TAFA2: variants seen among roughly 807,000 people sequenced by gnomAD.
The protein encoded by TAFA2 is chemokine-like protein TAFA-2.
TAFA2 carries 7 observed loss-of-function variants against 18.8 expected under a neutral mutation model. The ratio of observed to expected loss-of-function variants is 0.37; its 90% CI spans 0.21 to 0.70. The LOEUF (loss-of-function observed/expected upper bound fraction) is 0.70. Among genes scored for constraint, TAFA2 ranks in the 30% least tolerant of loss-of-function variants. The probability of loss-of-function intolerance (pLI) is 0.53; values close to 1 mark genes in which losing one functional copy is unlikely to be tolerated. For synonymous variants in TAFA2, 60 were observed against 54.2 expected, an observed-to-expected ratio of 1.11 and a Z score of -0.47; for missense variants, 122 against 158.1, an observed-to-expected ratio of 0.77 and a Z score of 1.23.
intron 1 of TAFA2, among the ~76,000 whole-genome samples, chr12:62,010,572 C>T (rs1239805612): frequency 2.0e-5 from 3 of 146,798 alleles, no homozygotes; most frequent in Non-Finnish European, 2.9e-5. Context: ...TCTGCCCAGC[C>T]GCCACCCCGT....
chr12:62,071,153 T>A (rs751458005), intron 1 of TAFA2, among the ~76,000 whole-genome samples: 4 of 152,128 alleles, frequency 2.6e-5, no homozygotes, highest in Non-Finnish European at 5.9e-5. Flanking sequence ...AGCCTAGTGA[T>A]CAGAGGGTAT....
At chr12:62,243,727 C>T (rs1207408514) in intron 1 of TAFA2, among the ~76,000 whole-genome samples, 1 of 152,192 alleles carries the variant, frequency 6.6e-6, no homozygotes, top group Non-Finnish European at 1.5e-5. Context: ...AAAGTTAAGA[C>T]ACGAAAATGT....
intron 1 of TAFA2, among the ~76,000 whole-genome samples, chr12:62,186,224 G>C (rs1254703857): frequency 2.0e-5 from 3 of 152,136 alleles, no homozygotes; most frequent in Non-Finnish European, 2.9e-5. Context: ...ACTGAAAATT[G>C]AAAGGTTCAG....
At chr12:62,205,607 A>T (rs900725237) in intron 1 of TAFA2, among the ~76,000 whole-genome samples, 7 of 152,200 alleles carry the variant, frequency 4.6e-5, no homozygotes, top group Non-Finnish European at 1.0e-4. Flanking sequence ...GAGTCTGGCC[A>T]TGATCTGCCA....
intron 1 of TAFA2, among the ~76,000 whole-genome samples, chr12:61,982,258 G>A (rs765751984): frequency 1.8e-4 from 28 of 152,158 alleles, no homozygotes; most frequent in Middle Eastern, 3.4e-3. Flanking sequence ...TTGGACACAG[G>A]GCAGGGAACA....
At chr12:62,140,861 C>A (rs1455747034) in intron 1 of TAFA2, among the ~76,000 whole-genome samples, 1 of 152,124 alleles carries the variant, frequency 6.6e-6, no homozygotes, top group Non-Finnish European at 1.5e-5. Flanking sequence ...TGCATCACAT[C>A]AAAAAGTTAG....
chr12:62,023,881 C>T lies in TAFA2; in HGVS notation c.-1-156455G>A, dbSNP rs190356133. On this transcript the variant is annotated intron_variant, in intron 1 of 4. Transcript: ENST00000416284. ...TCTCTCATTCAATGTTTTTCTTCTGCACGTCATCTTTATCCTCAGTTATGT... is the reference window on the plus strand; with the variant it reads ...TCTCTCATTCAATGTTTTTCTTCTGTACGTCATCTTTATCCTCAGTTATGT... The T allele has an allele frequency of 3.9e-5, 6 of 152,248 alleles. 1 individual carries two copies. Among genetic ancestry groups the T allele is most frequent in the Admixed American group, 1.3e-4 (2 of 15,296 alleles). 9.4% of individuals were successfully genotyped at this position (152,248 alleles called of 1,614,324 possible). A position where few individuals can be genotyped will look rare whatever the true frequency, so the allele number is the denominator to read the frequency against.
At chr12:61,888,433 A>T (rs1875484732) in intron 1 of TAFA2, among the ~76,000 whole-genome samples, 1 of 152,144 alleles carries the variant, frequency 6.6e-6, no homozygotes, top group Admixed American at 6.5e-5. Context: ...TCAAATCTTA[A>T]CTGTACCTTA....
At chr12:61,735,741 T>A (rs1026720690) in intron 4 of TAFA2, among the ~76,000 whole-genome samples, 2 of 152,068 alleles carry the variant, frequency 1.3e-5, no homozygotes, top group Non-Finnish European at 2.9e-5. Flanking sequence ...TTTGTCTTAG[T>A]GCAGCAGTTC....
chr12:61,923,254 C>T (rs1170485207), intron 1 of TAFA2, among the ~76,000 whole-genome samples: 1 of 152,212 alleles, frequency 6.6e-6, no homozygotes, highest in Non-Finnish European at 1.5e-5. Flanking sequence ...CAACAGACTG[C>T]CTCCTCAAGT....
intron 1 of TAFA2, chr12:62,235,387 T>C: frequency 2.2e-5 from 14 of 645,912 alleles, no homozygotes; most frequent in Non-Finnish European, 4.0e-5. Context: ...ACTCCGGAGC[T>C]TCCAGAAGAT....
intron 4 of TAFA2, among the ~76,000 whole-genome samples, chr12:61,747,961 G>C (rs1195562444): frequency 1.3e-5 from 2 of 152,036 alleles, no homozygotes; most frequent in African/African-American, 2.4e-5. Flanking sequence ...TGTTTTGAAA[G>C]CTCTTCATTC....
intron 2 of TAFA2, among the ~76,000 whole-genome samples, chr12:61,818,053 A>G (rs1418180726): frequency 6.6e-6 from 1 of 152,146 alleles, no homozygotes; most frequent in African/African-American, 2.4e-5. Flanking sequence ...CATAATTCAG[A>G]GCAGGATGCC....
chr12:61,715,447 C>T (rs902323555), intron 4 of TAFA2, among the ~76,000 whole-genome samples: 2 of 151,972 alleles, frequency 1.3e-5, no homozygotes, highest in Non-Finnish European at 2.9e-5. Flanking sequence ...CTCCTGGGTT[C>T]ATGCCATTCT....
Position 61,967,101 on chromosome 12 carries a change from G to T in TAFA2, c.-1-99675C>A, listed in dbSNP as rs181374949. Reference sequence around the variant, plus strand: ...GTGATGAGAGACTATATTACAGGGGGTCCTGATCTTTGCTTGTGGGTCAGG... The same window carrying T: ...GTGATGAGAGACTATATTACAGGGGTTCCTGATCTTTGCTTGTGGGTCAGG... On this transcript the variant is annotated intron_variant, in intron 1 of 4. Transcript: ENST00000416284. Among the ~76,000 whole-genome samples, 5 of 151,916 alleles carry T rather than the reference G, an allele frequency of 3.3e-5. No homozygotes were observed. In the East Asian group the frequency reaches 9.7e-4, roughly 30 times the overall value.
chr12:61,884,392 C>T (rs998971274), intron 1 of TAFA2, among the ~76,000 whole-genome samples: 2 of 152,144 alleles, frequency 1.3e-5, no homozygotes, highest in Non-Finnish European at 2.9e-5. Context: ...CATCAACGAG[C>T]TCTTTGGGTA....
At chr12:61,887,475 G>T (rs1696383645) in intron 1 of TAFA2, among the ~76,000 whole-genome samples, 1 of 151,260 alleles carries the variant, frequency 6.6e-6, no homozygotes, top group African/African-American at 2.4e-5. Context: ...GGGTACATGT[G>T]CACATTGTGC....
intron 1 of TAFA2, among the ~76,000 whole-genome samples, chr12:61,960,074 G>T (rs1051175504): frequency 1.3e-5 from 2 of 151,954 alleles, no homozygotes; most frequent in Non-Finnish European, 2.9e-5. Flanking sequence ...AGCATGGCTG[G>T]TGTGTGTGCT....
chr12:61,970,322 T>G (rs1447938474), intron 1 of TAFA2, among the ~76,000 whole-genome samples: 1 of 151,620 alleles, frequency 6.6e-6, no homozygotes, highest in Non-Finnish European at 1.5e-5. Context: ...ATTTTCTTAG[T>G]AAAATTCATA....
Sources: allele counts gnomAD v4.1 joint callset (sites outside exome capture counted in the v4.1 genomes callset), GRCh38; gene constraint gnomAD v4.1.1; transcripts MANE v1.5; gene names NCBI Gene and HGNC (gene_info 2026-07-23, HGNC 2026-07-21).